UGT1A9: variants seen among roughly 807,000 people sequenced by gnomAD.
The protein encoded by UGT1A9 is UDP-glucuronosyltransferase 1A9.
A neutral mutation model predicts 45.0 loss-of-function variants in UGT1A9; 35 were observed. The observed-to-expected ratio is 0.78, with a 90% CI of 0.59 to 1.03. The LOEUF is 1.03. UGT1A9 is among the 50% of genes least tolerant of loss of function. The pLI is 0.00. For missense variants in UGT1A9, 687 were observed against 666.6 expected, an observed-to-expected ratio of 1.03 and a Z score of -0.34; for synonymous variants, 278 against 250.6, an observed-to-expected ratio of 1.11 and a Z score of -1.03.
chr2:233,698,618 C>A (rs1394029737), intron 1 of UGT1A9, among the ~76,000 whole-genome samples: 6 of 152,174 alleles, frequency 3.9e-5, no homozygotes, highest in Non-Finnish European at 7.4e-5. Flanking sequence ...CAGTGGAATT[C>A]AATTTTGCCT....
chr2:233,715,885 C>G (rs1236861095), intron 1 of UGT1A9, among the ~76,000 whole-genome samples: 4 of 152,204 alleles, frequency 2.6e-5, no homozygotes, highest in African/African-American at 7.2e-5. Flanking sequence ...GTGGCCCCAG[C>G]TACTTGGGAG....
intron 1 of UGT1A9, among the ~76,000 whole-genome samples, chr2:233,685,930 G>A (rs952791363): frequency 1.3e-5 from 2 of 152,056 alleles, no homozygotes; most frequent in Non-Finnish European, 2.9e-5. Flanking sequence ...TATCCTGATT[G>A]TCTCAAAAAA....
At chr2:233,685,128 C>T (rs901416768) in intron 1 of UGT1A9, among the ~76,000 whole-genome samples, 1 of 152,126 alleles carries the variant, frequency 6.6e-6, no homozygotes, top group African/African-American at 2.4e-5. Flanking sequence ...AGGTGAATTA[C>T]ATCCAGGGAT....
intron 4 of UGT1A9, 76 bp from the exon 5 acceptor site, chr2:233,772,186 A>G (rs1281313129): frequency 2.5e-6 from 4 of 1,593,838 alleles, no homozygotes; most frequent in Non-Finnish European, 2.6e-6. Flanking sequence ...AGTCTTCTTA[A>G]GCAGCCATGA....
intron 1 of UGT1A9, among the ~76,000 whole-genome samples, chr2:233,702,959 T>C (rs1364239981): frequency 1.3e-5 from 2 of 152,224 alleles, no homozygotes; most frequent in Non-Finnish European, 2.9e-5. Flanking sequence ...TGAATATTAC[T>C]GGCCTTGTAG....
intron 1 of UGT1A9, chr2:233,689,935 C>T: frequency 2.2e-6 from 1 of 456,550 alleles, no homozygotes; most frequent in Non-Finnish European, 4.4e-6. Context: ...TCGAAAGAAC[C>T]CAAGATTTTC....
At chr2:233,729,634 G>C in intron 1 of UGT1A9, 1 of 1,613,874 alleles carries the variant, frequency 6.2e-7, no homozygotes, top group African/African-American at 1.3e-5. Context: ...GATTCCTACT[G>C]TGTTTTTTTT....
chr2:233,701,317 C>A lies in UGT1A9; in HGVS notation c.855+28528C>A, dbSNP rs28899174. 9.8e-3 allele frequency among the ~76,000 whole-genome samples: 1,493 copies of A among 152,208 alleles called. 22 individuals are homozygous for A. The highest frequency in any genetic ancestry group is 0.034 in the African/African-American group (1,425 of 41,526). On this transcript the variant is annotated intron_variant, in intron 1 of 4. Coordinates refer to ENST00000354728, the MANE Select transcript of UGT1A9 (RefSeq NM_021027.3). ...CACACTGTCTTCCACAATGGTTGAA[C>A]TAGTTTACAGTCCCACCAACAGTGT... is the stretch of plus-strand genomic sequence containing the variant.
chr2:233,760,379 T>G lies in UGT1A9; in HGVS notation c.856-6655T>G. On this transcript the variant is annotated intron_variant, in intron 1 of 4. Transcript: ENST00000354728. Reference sequence around the variant, plus strand: ...GTGGTGTCCCATGCTGGGAAGATACTGTTGATCCCAGTGGATGGCAGCCAC... The same window carrying G: ...GTGGTGTCCCATGCTGGGAAGATACGGTTGATCCCAGTGGATGGCAGCCAC... 6.2e-7 allele frequency: 1 copy of G among 1,614,196 alleles called. No homozygotes were observed. Among genetic ancestry groups the G allele is most frequent in the Non-Finnish European group, 8.5e-7 (1 of 1,180,016 alleles).
chr2:233,673,553 T>G (rs1204115170), intron 1 of UGT1A9, among the ~76,000 whole-genome samples: 1 of 152,074 alleles, frequency 6.6e-6, no homozygotes, highest in Non-Finnish European at 1.5e-5. Context: ...AGGATTGGCA[T>G]TTTTTTGCTA....
chr2:233,726,222 AT>A (rs1211816724), intron 1 of UGT1A9, among the ~76,000 whole-genome samples: 6 of 152,202 alleles, frequency 3.9e-5, no homozygotes, highest in Middle Eastern at 3.2e-3. Flanking sequence ...TTTAGAAAAC[AT>A]TTTTTAAAAC....
chr2:233,728,968 T>C (rs1359858521), intron 1 of UGT1A9: 14 of 1,468,408 alleles, frequency 9.5e-6, no homozygotes, highest in Non-Finnish European at 1.3e-5. Context: ...AAAACAGTGA[T>C]AGATTAATGG....
intron 1 of UGT1A9, among the ~76,000 whole-genome samples, chr2:233,678,894 G>T (rs1012651965): frequency 3.3e-5 from 5 of 152,108 alleles, no homozygotes; most frequent in African/African-American, 9.7e-5. Flanking sequence ...GATTGGCTCT[G>T]TCATAAATCC....
chr2:233,707,313 A>C (rs1246275498), intron 1 of UGT1A9, among the ~76,000 whole-genome samples: 1 of 152,146 alleles, frequency 6.6e-6, no homozygotes, highest in African/African-American at 2.4e-5. Flanking sequence ...TTTGTTACAT[A>C]GCTAAACATG....
intron 1 of UGT1A9, chr2:233,692,898 A>G: frequency 6.5e-7 from 1 of 1,540,188 alleles, no homozygotes; most frequent in Non-Finnish European, 8.7e-7. Context: ...GGAGAGGTAG[A>G]CAGGACCTGT....
intron 1 of UGT1A9, among the ~76,000 whole-genome samples, chr2:233,736,548 C>T (rs547329540): frequency 1.4e-4 from 21 of 152,318 alleles, no homozygotes; most frequent in Admixed American, 5.9e-4. Flanking sequence ...CAGCTTTGCT[C>T]CATTGCTAGC....
rs189902631 is a variant in UGT1A9, at chr2:233,721,408, A to T, written c.856-45626A>T. ...CATTTTTCTAGCTATGTGACCTAGG[A>T]CAGGTACCCTAAGCATTGTGGTTTT... is the stretch of plus-strand genomic sequence containing the variant. On this transcript the variant is annotated intron_variant, in intron 1 of 4. Coordinates refer to ENST00000354728, the MANE Select transcript of UGT1A9 (RefSeq NM_021027.3). 676 of 155,018 alleles carry T rather than the reference A, an allele frequency of 4.4e-3. 10 individuals are homozygous for T. The highest frequency in any genetic ancestry group is 0.015 in the African/African-American group (639 of 41,588). 9.6% of individuals were successfully genotyped at this position (155,018 alleles called of 1,614,324 possible).
In UGT1A9 at chr2:233,760,405, T is replaced by C. The variant is rs1183811071; in HGVS notation, c.856-6629T>C. On this transcript the variant is annotated intron_variant, in intron 1 of 4. Transcript: ENST00000354728. Reference sequence around the variant, plus strand: ...GTTGATCCCAGTGGATGGCAGCCACTGGCTGAGCATGCTTGGGGCCATCCA... The same window carrying C: ...GTTGATCCCAGTGGATGGCAGCCACCGGCTGAGCATGCTTGGGGCCATCCA... 1.5e-5 allele frequency: 24 copies of C among 1,614,126 alleles called. No homozygotes were observed. Among genetic ancestry groups the C allele is most frequent in the Non-Finnish European group, 1.9e-5 (22 of 1,180,052 alleles).
At chr2:233,752,348 A>G (rs1694949264) in intron 1 of UGT1A9, 1 of 152,154 alleles carries the variant, frequency 6.6e-6, no homozygotes, top group South Asian at 2.1e-4. Context: ...CATGGAGGAA[A>G]TTCATTTTAG....
Sources: allele counts gnomAD v4.1 joint callset (sites outside exome capture counted in the v4.1 genomes callset), GRCh38; gene constraint gnomAD v4.1.1; transcripts MANE v1.5; gene names NCBI Gene and HGNC (gene_info 2026-07-23, HGNC 2026-07-21).